CNBD1: variants seen among roughly 807,000 people sequenced by gnomAD.
CNBD1 encodes cyclic nucleotide-binding domain-containing protein 1.
Under a neutral mutation model 54.4 loss-of-function variants are expected in CNBD1, and 71 were observed. The ratio of observed to expected loss-of-function variants is 1.30; its 90% CI spans 1.08 to 1.59. The LOEUF (loss-of-function observed/expected upper bound fraction) is 1.59. Ranked by LOEUF, CNBD1 falls within the 40% of genes most tolerant of loss-of-function variation. The pLI is 0.00. For missense variants in CNBD1, 659 were observed against 518.0 expected (o/e 1.27, Z -2.64); for synonymous variants, 182 against 170.7 (o/e 1.07, Z -0.51).
intron 8 of CNBD1, among the ~76,000 whole-genome samples, chr8:87,332,633 G>A (rs1809859497): frequency 6.6e-6 from 1 of 152,114 alleles, no homozygotes; most frequent in Non-Finnish European, 1.5e-5. Context: ...TTATTGTAGG[G>A]AATCCTTTCC....
At chr8:87,207,580 G>A (rs1378873294) in intron 5 of CNBD1, among the ~76,000 whole-genome samples, 1 of 151,760 alleles carries the variant, frequency 6.6e-6, no homozygotes, top group Non-Finnish European at 1.5e-5. Context: ...GAAATTGAGG[G>A]GTGATAAAGG....
At chr8:87,079,018 C>A (rs1438939993) in intron 4 of CNBD1, among the ~76,000 whole-genome samples, 3 of 151,758 alleles carry the variant, frequency 2.0e-5, no homozygotes, top group Non-Finnish European at 2.9e-5. Flanking sequence ...GTCTATCCCC[C>A]CCTTTTTTTC....
At chr8:87,193,257 G>T (rs576936125) in intron 4 of CNBD1, among the ~76,000 whole-genome samples, 2 of 152,146 alleles carry the variant, frequency 1.3e-5, no homozygotes, top group African/African-American at 2.4e-5. Flanking sequence ...AATATTAAAA[G>T]AATGTGTAAA....
intron 2 of CNBD1, among the ~76,000 whole-genome samples, chr8:87,397,183 C>T (rs774148446): frequency 2.0e-5 from 3 of 151,582 alleles, no homozygotes; most frequent in Non-Finnish European, 4.4e-5. Flanking sequence ...TATTCTTATG[C>T]CCTATTTCTT....
chr8:87,408,574 G>A (rs1212762716), intron 2 of CNBD1, among the ~76,000 whole-genome samples: 1 of 151,964 alleles, frequency 6.6e-6, no homozygotes, highest in Non-Finnish European at 1.5e-5. Flanking sequence ...TTATGATAGT[G>A]TAGGCATACT....
At chr8:87,145,617 A>G (rs1177240669) in intron 4 of CNBD1, among the ~76,000 whole-genome samples, 2 of 152,208 alleles carry the variant, frequency 1.3e-5, no homozygotes, top group Non-Finnish European at 2.9e-5. Flanking sequence ...AAACCATAGC[A>G]TATAAGATGG....
chr8:87,296,179 G>A (rs1032786338), intron 8 of CNBD1, among the ~76,000 whole-genome samples: 11 of 152,044 alleles, frequency 7.2e-5, no homozygotes, highest in Admixed American at 2.6e-4. Context: ...GAAGCAATTC[G>A]TATTGGATGT....
At chr8:86,877,378 T>G (rs1808536781) in intron 1 of CNBD1, among the ~76,000 whole-genome samples, 2 of 152,172 alleles carry the variant, frequency 1.3e-5, no homozygotes, top group Admixed American at 1.3e-4. Flanking sequence ...GGGTATGTGA[T>G]TTCTTCACCC....
At chr8:87,226,507 T>A (rs1181368077) in intron 5 of CNBD1, among the ~76,000 whole-genome samples, 1 of 147,030 alleles carries the variant, frequency 6.8e-6, no homozygotes, top group Non-Finnish European at 1.5e-5. Context: ...TACCCAGTAG[T>A]CATTCAGGAG....
intron 4 of CNBD1, among the ~76,000 whole-genome samples, chr8:87,176,813 A>G (rs755604725): frequency 6.6e-6 from 1 of 152,096 alleles, no homozygotes; most frequent in East Asian, 1.9e-4. Context: ...AATACAAAGG[A>G]TACTTTTTGT....
chr8:87,087,808 A>G (rs1466610249), intron 4 of CNBD1, among the ~76,000 whole-genome samples: 1 of 152,132 alleles, frequency 6.6e-6, no homozygotes, highest in African/African-American at 2.4e-5. Context: ...AGAGCTTGGA[A>G]TTACCTGAGA....
At chr8:87,295,153 C>G (rs187314708) in intron 8 of CNBD1, among the ~76,000 whole-genome samples, 2 of 151,836 alleles carry the variant, frequency 1.3e-5, no homozygotes, top group South Asian at 2.1e-4. Flanking sequence ...ACCAGAGAAG[C>G]TTTAATAATT....
At chr8:87,133,390 C>G (rs974781617) in intron 4 of CNBD1, among the ~76,000 whole-genome samples, 2 of 152,134 alleles carry the variant, frequency 1.3e-5, no homozygotes, top group Non-Finnish European at 2.9e-5. Context: ...GACTCACACT[C>G]TAAACTCCAT....
At chr8:87,260,495 G>T (rs1238206629) in intron 6 of CNBD1, among the ~76,000 whole-genome samples, 1 of 152,138 alleles carries the variant, frequency 6.6e-6, no homozygotes, top group Non-Finnish European at 1.5e-5. Flanking sequence ...TACAGCTTAA[G>T]ACTAGCCTCA....
intron 1 of CNBD1, among the ~76,000 whole-genome samples, chr8:86,882,490 A>C (rs1216651527): frequency 1.3e-5 from 2 of 152,324 alleles, no homozygotes; most frequent in African/African-American, 2.4e-5. Context: ...CACCAGTCAG[A>C]ATAGCTGTTA....
At chr8:87,174,141 G>A (rs375402981) in intron 4 of CNBD1, among the ~76,000 whole-genome samples, 2 of 151,924 alleles carry the variant, frequency 1.3e-5, no homozygotes, top group African/African-American at 2.4e-5. Flanking sequence ...GTATTTTTTA[G>A]TAGAGATGGG....
At chr8:87,374,708 C>T (rs1336518239) in intron 10 of CNBD1, among the ~76,000 whole-genome samples, 1 of 151,736 alleles carries the variant, frequency 6.6e-6, no homozygotes, top group South Asian at 2.1e-4. Flanking sequence ...ATGATTTTTC[C>T]ATGATCTCAC....
At chr8:87,099,106 A>G (rs1349185718) in intron 4 of CNBD1, among the ~76,000 whole-genome samples, 1 of 151,936 alleles carries the variant, frequency 6.6e-6, no homozygotes, top group African/African-American at 2.4e-5. Context: ...CACTGTGAAA[A>G]GACAACCTCA....
chr8:87,188,164 A>G (rs1424834738), intron 4 of CNBD1, among the ~76,000 whole-genome samples: 3 of 152,094 alleles, frequency 2.0e-5, no homozygotes, highest in Non-Finnish European at 2.9e-5. Context: ...TATTCTTCAG[A>G]TGTCAGTTCA....
Sources: gnomAD v4.1 joint callset for allele counts (sites outside exome capture counted in the v4.1 genomes callset) on GRCh38, gnomAD v4.1.1 for gene constraint, MANE v1.5 for transcripts, NCBI Gene and HGNC (gene_info 2026-07-23, HGNC 2026-07-21) for gene names.